The following NAV2 variants were observed in gnomAD, a reference collection of about 807,000 sequenced individuals.
NAV2 encodes helicase, APC down-regulated 1.
In NAV2, 54 loss-of-function variants were observed where a neutral mutation model predicts 223.2. The ratio of observed to expected loss-of-function variants is 0.24; its 90% CI spans 0.19 to 0.30. The LOEUF (loss-of-function observed/expected upper bound fraction) is 0.30. Ranked by LOEUF, NAV2 falls within the 10% of genes least tolerant of loss-of-function variation. NAV2 has a pLI of 1.00. For synonymous variants in NAV2, 1,279 were observed against 1,239.3 expected, an observed-to-expected ratio of 1.03 and a Z score of -0.67; for missense variants, 2,806 against 3,147.5, an observed-to-expected ratio of 0.89 and a Z score of 2.60.
chr11:20,103,185 C>T, intron 32 of NAV2, 70 bp from the exon 33 acceptor site: 1 of 1,490,238 alleles, frequency 6.7e-7, no homozygotes, highest in East Asian at 2.3e-5. Context: ...GAGGCAAAGG[C>T]CCTGAGCGGT....
At position 20,106,175 on chromosome 11, in the gene NAV2, A is replaced by ATATATATATGTGTGTGTG. The variant is rs11267537; in HGVS notation, c.6841+449_6841+450insATATATATGTGTGTGTGT. On this transcript the variant is annotated intron_variant, in intron 35 of 37. Coordinates refer to ENST00000349880, the MANE Select transcript of NAV2 (RefSeq NM_145117.5). ...TGTGTGTATATATATATATATATAT[A>ATATATATATGTGTGTGTG]TGTGTGTGTATATATATATATATAT... Among the ~76,000 whole-genome samples, 441 of 35,798 alleles carry ATATATATATGTGTGTGTG rather than the reference A, an allele frequency of 0.012. 50 individuals carry two copies. The East Asian group carries it at 0.14, about 11-fold the overall frequency. The allele number at this position is 35,798 out of a possible 152,430, so 23.5% of individuals were successfully genotyped here.
intron 1 of NAV2, 110 bp from the exon 2 acceptor site, chr11:19,832,374 G>A: frequency 1.3e-6 from 1 of 775,454 alleles, no homozygotes; most frequent in Admixed American, 1.9e-5. Flanking sequence ...GGCTGGCCCT[G>A]AAAGCTCACC....
chr11:19,817,930 G>A (rs1314504114), intron 1 of NAV2, among the ~76,000 whole-genome samples: 1 of 152,042 alleles, frequency 6.6e-6, no homozygotes, highest in East Asian at 1.9e-4. Context: ...TCTCCAAGGG[G>A]AGAGTTCGGA....
At chr11:19,586,776 C>T (rs2045911169) in intron 1 of NAV2, among the ~76,000 whole-genome samples, 1 of 152,230 alleles carries the variant, frequency 6.6e-6, no homozygotes, top group Admixed American at 6.5e-5. Flanking sequence ...GTGTAAGGGT[C>T]AGTCTGCCCC....
chr11:19,556,427 G>T (rs2044893178), intron 1 of NAV2, among the ~76,000 whole-genome samples: 1 of 152,214 alleles, frequency 6.6e-6, no homozygotes, highest in African/African-American at 2.4e-5. Context: ...TTAAAGAGTG[G>T]CAGGAAAATC....
chr11:19,713,432 G>C lies in NAV2; in HGVS notation c.-264G>C. 2.4e-6 allele frequency: 3 copies of C among 1,265,562 alleles called. No individual in the cohort carries two copies. The highest frequency in any genetic ancestry group is 3.9e-5 in the Admixed American group (1 of 25,846). The allele number at this position is 1,265,562 out of a possible 1,614,324, so 78.4% of individuals were successfully genotyped here. ...AGCTCTTGAAAGGCCACCCAGGAGA[G>C]GTGTGAGACCCGGCGGCAGCATCCG... is the stretch of plus-strand genomic sequence containing the variant. On this transcript the variant is annotated 5_prime_UTR_variant, in exon 1 of 38. Transcript: ENST00000349880. The surrounding 1 kb of genome is among the most constrained non-coding windows in gnomAD (Gnocchi z 7.2).
At chr11:19,849,903 G>A (rs989875513) in intron 3 of NAV2, among the ~76,000 whole-genome samples, 18 of 152,122 alleles carry the variant, frequency 1.2e-4, no homozygotes, top group South Asian at 6.2e-4. Flanking sequence ...CAACCTCCAC[G>A]TCTGTCTGTC....
At chr11:19,645,016 A>G (rs1271879640) in intron 1 of NAV2, among the ~76,000 whole-genome samples, 1 of 152,222 alleles carries the variant, frequency 6.6e-6, no homozygotes, top group Non-Finnish European at 1.5e-5. Flanking sequence ...TTGCTGCTAT[A>G]ACAAATTATG....
At chr11:19,435,912 G>A (rs533627060) in intron 1 of NAV2, among the ~76,000 whole-genome samples, 133 of 152,030 alleles carry the variant, frequency 8.7e-4, no homozygotes, top group Middle Eastern at 6.8e-3. Context: ...TTTTTAATAC[G>A]GTTATTTGTG....
Position 19,713,101 on chromosome 11 carries a change from G to T in NAV2, c.-595G>T, listed in dbSNP as rs2049983999. Reference sequence around the variant, plus strand: ...GCTCTTGCCGCACCTCTGCTGCGTCGCGGGTGACACTGCGGTGCTCGCGAG... The same window carrying T: ...GCTCTTGCCGCACCTCTGCTGCGTCTCGGGTGACACTGCGGTGCTCGCGAG... On this transcript the variant is annotated 5_prime_UTR_variant, in exon 1 of 38. Transcript: ENST00000349880. This position sits in a 1 kb window ranked among gnomAD's most constrained non-coding sequence, Gnocchi z 7.2. Among the ~76,000 whole-genome samples the T allele has an allele frequency of 6.6e-6, 1 of 152,068 alleles. No homozygotes were observed. The highest frequency in any genetic ancestry group is 1.5e-5 in the Non-Finnish European group (1 of 68,010).
chr11:20,087,115 A>T (rs1196368421), intron 26 of NAV2, among the ~76,000 whole-genome samples: 1 of 152,202 alleles, frequency 6.6e-6, no homozygotes, highest in Non-Finnish European at 1.5e-5. Flanking sequence ...CCGGCCAGCA[A>T]GGTGGGAGGA....
chr11:19,817,877 T>G (rs1429882460), intron 1 of NAV2, among the ~76,000 whole-genome samples: 2 of 152,150 alleles, frequency 1.3e-5, no homozygotes, highest in African/African-American at 2.4e-5. Flanking sequence ...AGGATTCCAC[T>G]TGCCCTAGAA....
chr11:19,697,084 A>G (rs1050355149), intron 1 of NAV2, among the ~76,000 whole-genome samples: 4 of 152,346 alleles, frequency 2.6e-5, no homozygotes, highest in Non-Finnish European at 2.9e-5. Flanking sequence ...ACTATCCTGG[A>G]ATACTATGCA....
chr11:19,546,858 A>T (rs1446528275), intron 1 of NAV2, among the ~76,000 whole-genome samples: 8 of 152,206 alleles, frequency 5.3e-5, no homozygotes, highest in Admixed American at 3.3e-4. Context: ...ATTTTCTCAC[A>T]TACAAAATAA....
At chr11:19,560,831 C>T (rs1351391019) in intron 1 of NAV2, among the ~76,000 whole-genome samples, 1 of 152,158 alleles carries the variant, frequency 6.6e-6, no homozygotes, top group African/African-American at 2.4e-5. Flanking sequence ...TGTCAGTACA[C>T]ACTAAGTGGG....
chr11:20,083,113 C>G lies in NAV2; in HGVS notation c.5432C>G (p.Pro1811Arg), dbSNP rs534502721. The change falls in exon 26 of 38, where the codon CCA becomes CGA. Residue 1811 changes from proline (P) to arginine (R), a missense_variant. Physicochemically the swap from Pro to Arg is moderately radical, Grantham distance 103. Around this residue, in one of 4 missense-constraint regions of NAV2, gnomAD observed 824 missense variants for 1,069.4 expected, o/e 0.77. Transcript: ENST00000349880. The stretch of plus-strand genomic sequence containing the variant: ...ACGGATTCTTCTTTGCCTTCCTCAC[C>G]AAAGTTACCGCACAATGGGTCCACA... ...EMTDSSLPSS[P>R]KLPHNGSTGS... is the part of the protein sequence containing the mutation. 6.2e-7 allele frequency: 1 copy of G among 1,614,050 alleles called. No homozygotes were observed. Among genetic ancestry groups the G allele is most frequent in the South Asian group, 1.1e-5 (1 of 91,078 alleles).
At chr11:20,064,409 T>C (rs2058904858) in intron 20 of NAV2, among the ~76,000 whole-genome samples, 1 of 152,156 alleles carries the variant, frequency 6.6e-6, no homozygotes, top group African/African-American at 2.4e-5. Context: ...AGAGAAGCTG[T>C]AGTGGATGTT....
At chr11:19,886,692 T>C (rs1311484603) in intron 5 of NAV2, among the ~76,000 whole-genome samples, 2 of 152,102 alleles carry the variant, frequency 1.3e-5, no homozygotes, top group East Asian at 3.9e-4. Flanking sequence ...AAATATCTAA[T>C]TGGAAGCACA....
chr11:19,968,059 G>C (rs556144247), intron 10 of NAV2, among the ~76,000 whole-genome samples: 1 of 152,350 alleles, frequency 6.6e-6, no homozygotes, highest in Non-Finnish European at 1.5e-5. Context: ...GAAGTGGACT[G>C]TGGCTACAGT....
Sources: gnomAD v4.1 joint callset for allele counts (sites outside exome capture counted in the v4.1 genomes callset) on GRCh38, gnomAD v4.1.1 for gene constraint, gnomAD v4.1.1 regional missense constraint, Gnocchi (gnomAD v3.1) non-coding constraint, MANE v1.5 for transcripts, NCBI Gene and HGNC (gene_info 2026-07-23, HGNC 2026-07-21) for gene names.